Variants in WWOX observed in about 807,000 individuals in gnomAD.
WWOX encodes WW domain containing oxidoreductase, also known as WW domain-containing oxidoreductase.
WWOX carries 69 observed loss-of-function variants against 46.2 expected under a neutral mutation model. The ratio of observed to expected loss-of-function variants is 1.49; its 90% CI spans 1.23 to 1.82. The LOEUF is 1.82. Ranked by LOEUF, WWOX falls within the 40% of genes most tolerant of loss-of-function variation. WWOX has a pLI of 0.00. For missense variants in WWOX, 919 were observed against 542.6 expected, an observed-to-expected ratio of 1.69 and a Z score of -6.89; for synonymous variants, 359 against 202.6, an observed-to-expected ratio of 1.77 and a Z score of -6.56.
chr16:78,545,695 G>C (rs1387607815), intron 8 of WWOX, among the ~76,000 whole-genome samples: 1 of 152,176 alleles, frequency 6.6e-6, no homozygotes, highest in East Asian at 1.9e-4. Context: ...ACCACCCACT[G>C]GGGATATTAA....
At chr16:78,664,545 T>C (rs1212397678) in intron 8 of WWOX, among the ~76,000 whole-genome samples, 1 of 152,100 alleles carries the variant, frequency 6.6e-6, no homozygotes, top group Non-Finnish European at 1.5e-5. Context: ...GTAAATAAAG[T>C]CTCCCACTTA....
chr16:78,929,516 C>T (rs1054095072), intron 8 of WWOX, among the ~76,000 whole-genome samples: 2 of 152,206 alleles, frequency 1.3e-5, no homozygotes, highest in Non-Finnish European at 2.9e-5. Context: ...GCACCGTATC[C>T]GAGTGGGATC....
chr16:78,587,569 T>G (rs569851189), intron 8 of WWOX, among the ~76,000 whole-genome samples: 1 of 152,244 alleles, frequency 6.6e-6, no homozygotes, highest in South Asian at 2.1e-4. Flanking sequence ...TGCCCTCCCC[T>G]GATTACCGTA....
rs1280140854 is a variant in WWOX, at chr16:78,434,262, T to A, written c.1056+1510T>A. ...GTGAAGTGAAAGGACCTACGGAGAA[T>A]GGTGTTCCATGCCGCAGGGTGGGAT... On this transcript the variant is annotated intron_variant, in intron 8 of 8. Coordinates refer to ENST00000566780, the MANE Select transcript of WWOX (RefSeq NM_016373.4). Among the ~76,000 whole-genome samples, 9 of 152,256 alleles carry A rather than the reference T, an allele frequency of 5.9e-5. No individual in the cohort carries two copies. In the South Asian group the frequency reaches 1.9e-3, roughly 32 times the overall value.
At chr16:78,496,460 A>C (rs2667586) in intron 8 of WWOX, 118,458 of 152,214 alleles carry the variant, frequency 0.78, 47,571 homozygotes, top group Admixed American at 0.88. Context: ...GGAGGAATCA[A>C]ACGTGTTAGC....
At chr16:78,783,159 A>C (rs1408224958) in intron 8 of WWOX, among the ~76,000 whole-genome samples, 1 of 152,234 alleles carries the variant, frequency 6.6e-6, no homozygotes, top group Non-Finnish European at 1.5e-5. Context: ...TCCATCATTT[A>C]TAATGGCCCA....
intron 8 of WWOX, among the ~76,000 whole-genome samples, chr16:79,147,151 A>C: frequency 6.6e-6 from 1 of 152,254 alleles, no homozygotes; most frequent in South Asian, 2.1e-4. Flanking sequence ...AGTGTCATCA[A>C]ATGTGTAGCT....
At chr16:78,797,892 A>G (rs992039556) in intron 8 of WWOX, among the ~76,000 whole-genome samples, 4 of 152,174 alleles carry the variant, frequency 2.6e-5, no homozygotes, top group Non-Finnish European at 5.9e-5. Context: ...AGAGGCTGAC[A>G]TGGGAGGATT....
chr16:78,584,635 T>C (rs924862412), intron 8 of WWOX, among the ~76,000 whole-genome samples: 2 of 152,172 alleles, frequency 1.3e-5, no homozygotes, highest in Non-Finnish European at 2.9e-5. Flanking sequence ...AGAGGACATA[T>C]TCTGTTCTAT....
intron 8 of WWOX, among the ~76,000 whole-genome samples, chr16:78,521,850 T>G (rs1220900884): frequency 6.6e-6 from 1 of 152,044 alleles, no homozygotes; most frequent in Non-Finnish European, 1.5e-5. Flanking sequence ...AAAAATGACT[T>G]GTGTGTGGGA....
At chr16:79,108,186 C>T (rs998536664) in intron 8 of WWOX, among the ~76,000 whole-genome samples, 1 of 152,210 alleles carries the variant, frequency 6.6e-6, no homozygotes, top group Non-Finnish European at 1.5e-5. Flanking sequence ...AGTCCACTGT[C>T]TAAGTGTTAA....
At chr16:78,101,008 G>T (rs1257735039) in intron 1 of WWOX, among the ~76,000 whole-genome samples, 1 of 151,552 alleles carries the variant, frequency 6.6e-6, no homozygotes. Context: ...AACTTTTTTT[G>T]TAAGAGCCTT....
At chr16:78,880,311 C>G (rs1262697635) in intron 8 of WWOX, among the ~76,000 whole-genome samples, 1 of 152,208 alleles carries the variant, frequency 6.6e-6, no homozygotes, top group Non-Finnish European at 1.5e-5. Context: ...CACTCTAATG[C>G]TTTCACCCGT....
intron 8 of WWOX, among the ~76,000 whole-genome samples, chr16:78,571,026 T>C (rs917425119): frequency 6.6e-6 from 1 of 152,206 alleles, no homozygotes; most frequent in African/African-American, 2.4e-5. Flanking sequence ...GACTTGTTCA[T>C]GTAATCTGTG....
intron 8 of WWOX, among the ~76,000 whole-genome samples, chr16:79,159,562 G>A (rs868476300): frequency 7.2e-5 from 11 of 152,236 alleles, no homozygotes; most frequent in African/African-American, 2.6e-4. Context: ...ATTGGAAAAT[G>A]CTCTCTTTCT....
chr16:78,898,735 C>T (rs916777052), intron 8 of WWOX: 1 of 152,064 alleles, frequency 6.6e-6, no homozygotes, highest in East Asian at 1.9e-4. Context: ...TTAAGCGTTA[C>T]CATCCATGAG....
intron 8 of WWOX, among the ~76,000 whole-genome samples, chr16:78,581,766 CT>C (rs1483982043): frequency 1.3e-5 from 2 of 152,174 alleles, no homozygotes; most frequent in African/African-American, 2.4e-5. Flanking sequence ...GGTTCCCTAC[CT>C]TTAGATGACA....
intron 8 of WWOX, among the ~76,000 whole-genome samples, chr16:78,489,856 G>A (rs2084736618): frequency 6.6e-6 from 1 of 152,128 alleles, no homozygotes. Context: ...GTGTATCACT[G>A]GTATGGGTAA....
chr16:78,755,234 C>CAA (rs5818169), intron 8 of WWOX, among the ~76,000 whole-genome samples: 12 of 139,868 alleles, frequency 8.6e-5, no homozygotes, highest in African/African-American at 3.0e-4. Context: ...AAAGTTTCAT[C>CAA]AAAAAAAAAA....
Sources: gnomAD v4.1 joint callset for allele counts (sites outside exome capture counted in the v4.1 genomes callset) on GRCh38, gnomAD v4.1.1 for gene constraint, MANE v1.5 for transcripts, NCBI Gene and HGNC (gene_info 2026-07-23, HGNC 2026-07-21) for gene names.